The following CCT2 variants were observed in gnomAD, a reference collection of about 807,000 sequenced individuals.
CCT2 encodes T-complex protein 1 subunit beta.
Under a neutral mutation model 61.8 loss-of-function variants are expected in CCT2, and 18 were observed. The observed-to-expected ratio is 0.29, with a 90% CI of 0.20 to 0.43. The LOEUF is 0.43. CCT2 is among the 20% of genes least tolerant of loss of function. The probability of loss-of-function intolerance (pLI) is 1.00; values close to 1 mark genes in which losing one functional copy is unlikely to be tolerated. For synonymous variants in CCT2, 248 were observed against 215.9 expected, an observed-to-expected ratio of 1.15 and a Z score of -1.30; for missense variants, 556 against 656.9, an observed-to-expected ratio of 0.85 and a Z score of 1.68.
In CCT2 at chr12:69,586,290, T is replaced by C; in HGVS notation, c.24T>C (p.Pro8=). ...TTCAGGCGTCCCTTTCCCTTGCACC[T>C]GTTAACATCTTTAAGGCAGGAGCTG... MASLSLA[P]VNIFKAGADE... Residue 8 remains proline, a synonymous_variant, in exon 2 of 16, where the codon CCT becomes CCC. Coordinates refer to ENST00000299300, the MANE Select transcript of CCT2 (RefSeq NM_006431.3). 6.2e-7 allele frequency: 1 copy of C among 1,613,660 alleles called. No individual in the cohort carries two copies. Among genetic ancestry groups the C allele is most frequent in the Non-Finnish European group, 8.5e-7 (1 of 1,179,548 alleles).
intron 4 of CCT2, 41 bp downstream of exon 4, chr12:69,587,657 TTTG>T (rs1450447186): frequency 1.6e-6 from 2 of 1,238,494 alleles, no homozygotes; most frequent in African/African-American, 1.5e-5. Flanking sequence ...AATAATACTG[TTTG>T]TTAACATTTT....
intron 14 of CCT2, 143 bp downstream of exon 14, chr12:69,598,564 T>C (rs1882060130): frequency 4.3e-6 from 2 of 461,504 alleles, no homozygotes; most frequent in Non-Finnish European, 7.8e-6. Flanking sequence ...TTACATGTGC[T>C]GGGAAAATGT....
chr12:69,590,707 T>G (rs1881809634), intron 7 of CCT2, among the ~76,000 whole-genome samples: 2 of 146,454 alleles, frequency 1.4e-5, no homozygotes, highest in African/African-American at 2.5e-5. Context: ...ATACAAGAGC[T>G]GTGTAGCATT....
intron 8 of CCT2, chr12:69,592,710 G>A: frequency 3.4e-6 from 1 of 295,174 alleles, no homozygotes; most frequent in South Asian, 4.8e-5. Context: ...GGATCACAAG[G>A]TCAGGAGTTC....
chr12:69,596,808 A>G (rs894006445), intron 10 of CCT2, among the ~76,000 whole-genome samples: 1 of 152,190 alleles, frequency 6.6e-6, no homozygotes, highest in African/African-American at 2.4e-5. Flanking sequence ...TTGGGAAGGT[A>G]GTATTGTATA....
intron 8 of CCT2, 98 bp downstream of exon 8, chr12:69,592,257 T>C: frequency 1.6e-6 from 1 of 617,086 alleles, no homozygotes; most frequent in Non-Finnish European, 2.9e-6. Flanking sequence ...TGGTGGATCA[T>C]CTGAGATCAG....
intron 14 of CCT2, among the ~76,000 whole-genome samples, chr12:69,598,726 T>C (rs1409505389): frequency 1.3e-5 from 2 of 152,228 alleles, no homozygotes; most frequent in African/African-American, 2.4e-5. Context: ...TAAACTATTA[T>C]GTTGTTTATA....
chr12:69,597,946 T>C (rs764011774), intron 12 of CCT2, 22 bp from the exon 13 acceptor site: 1 of 1,588,466 alleles, frequency 6.3e-7, no homozygotes, highest in South Asian at 1.1e-5. Context: ...TTGCAATATT[T>C]TATTGGAATT....
chr12:69,588,873 A>G (rs1299596003), intron 6 of CCT2, among the ~76,000 whole-genome samples: 2 of 152,152 alleles, frequency 1.3e-5, no homozygotes, highest in East Asian at 1.9e-4. Flanking sequence ...AGGCACTTCT[A>G]TTTATTTGCC....
chr12:69,587,771 C>A, intron 4 of CCT2, 155 bp downstream of exon 4: 1 of 736,566 alleles, frequency 1.4e-6, no homozygotes. Flanking sequence ...TCAGGAGTGC[C>A]CGTATGTTGG....
At chr12:69,601,000 G>C (rs144386176) in intron 15 of CCT2, among the ~76,000 whole-genome samples, 63 of 152,202 alleles carry the variant, frequency 4.1e-4, no homozygotes, top group African/African-American at 1.5e-3. Flanking sequence ...ACAGAGGAGG[G>C]GGCTGAGTGG....
chr12:69,590,715 ATTTC>A (rs1221303002), intron 7 of CCT2, among the ~76,000 whole-genome samples: 2 of 109,940 alleles, frequency 1.8e-5, no homozygotes, highest in Non-Finnish European at 3.5e-5. Flanking sequence ...GCTGTGTAGC[ATTTC>A]TTTTTTTTTT....
At chr12:69,598,186 C>T (rs1882046494) in intron 13 of CCT2, 115 bp downstream of exon 13, 2 of 984,582 alleles carry the variant, frequency 2.0e-6, no homozygotes, top group East Asian at 2.6e-5. Context: ...TGGAGTTTCT[C>T]CTCTTCGTGA....
In CCT2 at chr12:69,587,840, C is replaced by T. The variant is rs904126237; in HGVS notation, c.257-90C>T. On this transcript the variant is annotated intron_variant, in intron 4 of 15. Transcript: ENST00000299300. ...CCAAATAATTTGTTGAATGAGGAAC[C>T]CTGGTAAGTTTAGATTGGTAGTGAA... The T allele has an allele frequency of 3.8e-6, 4 of 1,055,840 alleles. No individual in the cohort carries two copies. The East Asian group carries it at 9.6e-5, about 25-fold the overall frequency. The allele number at this position is 1,055,840 out of a possible 1,614,324, so 65.4% of individuals were successfully genotyped here.
chr12:69,589,453 G>A (rs1881768882), intron 6 of CCT2, 32 bp from the exon 7 acceptor site: 1 of 1,534,048 alleles, frequency 6.5e-7, no homozygotes, highest in African/African-American at 1.4e-5. Context: ...GTAAAGTAGG[G>A]TTAATATGTA....
At chr12:69,592,326 A>AT in intron 8 of CCT2, 167 bp downstream of exon 8, 1 of 393,160 alleles carries the variant, frequency 2.5e-6, no homozygotes, top group Non-Finnish European at 4.7e-6. Context: ...AAAAAAAAAA[A>AT]TACAAAATTA....
At chr12:69,588,801 G>GA in intron 6 of CCT2, among the ~76,000 whole-genome samples, 1 of 152,362 alleles carries the variant, frequency 6.6e-6, no homozygotes, top group East Asian at 1.9e-4. Context: ...GCAGCAGGTG[G>GA]AAAAATTGTC....
In CCT2 at chr12:69,593,122, G is replaced by T. The variant is rs1185133883; in HGVS notation, c.878+19G>T. On this transcript the variant is annotated intron_variant, in intron 9 of 15. Transcript: ENST00000299300. ...TTAACAGGTCTGTGTTTGCTTTTAA[G>T]AAAGGATTTTTTTCCATGAAAGTTT... 1 of 1,596,886 alleles carries T rather than the reference G, an allele frequency of 6.3e-7. No individual in the cohort carries two copies. The highest frequency in any genetic ancestry group is 8.5e-7 in the Non-Finnish European group (1 of 1,172,122).
At chr12:69,586,135 C>A in intron 1 of CCT2, 135 bp from the exon 2 acceptor site, 2 of 1,130,896 alleles carry the variant, frequency 1.8e-6, no homozygotes, top group African/African-American at 1.6e-5. Flanking sequence ...ATGATGGAAG[C>A]TTCATTTGAT....
Sources: allele counts gnomAD v4.1 joint callset (sites outside exome capture counted in the v4.1 genomes callset), GRCh38; gene constraint gnomAD v4.1.1; transcripts MANE v1.5; gene names NCBI Gene and HGNC (gene_info 2026-07-23, HGNC 2026-07-21).